Variants in HTR2C observed in about 807,000 individuals in gnomAD.
HTR2C encodes the protein 5-hydroxytryptamine receptor 2C, also known as 5-hydroxytryptamine (serotonin) receptor 2C, G protein-coupled.
HTR2C carries 5 observed loss-of-function variants against 21.0 expected under a neutral mutation model. The observed-to-expected ratio is 0.24, with a 90% confidence interval of 0.12 to 0.50. HTR2C has a LOEUF of 0.50. Ranked by LOEUF, HTR2C falls within the 20% of genes least tolerant of loss-of-function variation. The pLI is 0.98. For synonymous variants in HTR2C, 150 were observed against 145.3 expected (o/e 1.03, Z -0.23); for missense variants, 271 against 371.2 (o/e 0.73, Z 2.22).
At chrX:114,672,195 G>A (rs1931402931) in intron 2 of HTR2C, among the ~76,000 whole-genome samples, 1 of 111,747 alleles carries the variant, frequency 8.9e-6, no homozygotes, top group African/African-American at 3.2e-5. Context: ...GAAATGTGGT[G>A]TATAATCATA....
intron 5 of HTR2C, among the ~76,000 whole-genome samples, chrX:114,875,368 T>C (rs948955432): frequency 2.7e-5 from 3 of 111,802 alleles, no homozygotes; most frequent in Non-Finnish European, 5.6e-5. Flanking sequence ...TGCCTTTTAA[T>C]TTTGTTGATT....
chrX:114,723,828 G>C (rs1383536942), intron 2 of HTR2C, among the ~76,000 whole-genome samples: 1 of 103,705 alleles, frequency 9.6e-6, no homozygotes, highest in Non-Finnish European at 2.0e-5. Context: ...GAGCGGTTTT[G>C]AGTGAGATTC....
chrX:114,899,690 GGTTGA>G (rs1569503176), intron 5 of HTR2C, among the ~76,000 whole-genome samples: 1 of 110,967 alleles, frequency 9.0e-6, no homozygotes, highest in East Asian at 2.9e-4. Context: ...GTTCTCCATC[GGTTGA>G]GTTGTTTCCC....
At chrX:114,660,503 A>G (rs1223766993) in intron 2 of HTR2C, among the ~76,000 whole-genome samples, 1 of 112,086 alleles carries the variant, frequency 8.9e-6, no homozygotes, top group African/African-American at 3.2e-5. Flanking sequence ...ATTTGCATCC[A>G]TAGAAAATTT....
At chrX:114,823,973 C>G (rs1454035016) in intron 4 of HTR2C, among the ~76,000 whole-genome samples, 1 of 111,563 alleles carries the variant, frequency 9.0e-6, no homozygotes, top group Non-Finnish European at 1.9e-5. Flanking sequence ...GAAAAGCAGC[C>G]TAGAATTTCA....
chrX:114,656,988 CAG>C (rs1225960914), intron 2 of HTR2C, among the ~76,000 whole-genome samples: 1 of 110,767 alleles, frequency 9.0e-6, no homozygotes, highest in Non-Finnish European at 1.9e-5. Context: ...TATTATATAA[CAG>C]AGTAATAAAT....
At chrX:114,691,322 A>G (rs1441184686) in intron 2 of HTR2C, among the ~76,000 whole-genome samples, 2 of 111,354 alleles carry the variant, frequency 1.8e-5, no homozygotes, top group Non-Finnish European at 3.8e-5. Flanking sequence ...TAAGTGTTAG[A>G]GGTTACAGAA....
intron 2 of HTR2C, among the ~76,000 whole-genome samples, chrX:114,634,557 C>T (rs2147820045): frequency 9.0e-6 from 1 of 111,179 alleles, no homozygotes; most frequent in East Asian, 2.9e-4. Flanking sequence ...CACCTGTAAT[C>T]CCAGCACTTC....
At chrX:114,609,032 A>G (rs1928602986) in intron 1 of HTR2C, among the ~76,000 whole-genome samples, 1 of 112,072 alleles carries the variant, frequency 8.9e-6, no homozygotes, top group Admixed American at 9.5e-5. Context: ...GAGGATTTTT[A>G]TGAAATAAAA....
chrX:114,590,848 T>C (rs1042998371), intron 1 of HTR2C, among the ~76,000 whole-genome samples: 2 of 112,106 alleles, frequency 1.8e-5, no homozygotes, highest in East Asian at 5.6e-4. Flanking sequence ...ATTGACCACA[T>C]GCATGGCTAT....
chrX:114,606,341 C>T (rs1335576390), intron 1 of HTR2C, among the ~76,000 whole-genome samples: 1 of 111,392 alleles, frequency 9.0e-6, no homozygotes, highest in African/African-American at 3.3e-5. Context: ...CCCAGAAAAG[C>T]GGGACTTGCC....
At chrX:114,638,820 C>A (rs1227304208) in intron 2 of HTR2C, among the ~76,000 whole-genome samples, 1 of 106,103 alleles carries the variant, frequency 9.4e-6, no homozygotes, top group African/African-American at 3.4e-5. Context: ...ATGATGATTT[C>A]CAATTTCATC....
chrX:114,812,417 G>A (rs1252928068), intron 4 of HTR2C, among the ~76,000 whole-genome samples: 1 of 109,903 alleles, frequency 9.1e-6, no homozygotes, highest in Non-Finnish European at 1.9e-5. Flanking sequence ...GAGCAAGAAT[G>A]TTTAAGCAGA....
At chrX:114,639,839 C>G (rs1406863954) in intron 2 of HTR2C, among the ~76,000 whole-genome samples, 5 of 111,032 alleles carry the variant, frequency 4.5e-5, no homozygotes, top group Non-Finnish European at 7.5e-5. Flanking sequence ...GTAATGCTGC[C>G]TGGAAAATTT....
At chrX:114,869,904 C>T (rs1556475841) in intron 5 of HTR2C, among the ~76,000 whole-genome samples, 1 of 111,570 alleles carries the variant, frequency 9.0e-6, no homozygotes, top group African/African-American at 3.3e-5. Flanking sequence ...GCTATTTCAA[C>T]ATCAATTCAA....
chrX:114,897,650 C>T (rs1427758371), intron 5 of HTR2C, among the ~76,000 whole-genome samples: 3 of 111,961 alleles, frequency 2.7e-5, no homozygotes, highest in African/African-American at 9.7e-5. Flanking sequence ...AGTGAGAAGA[C>T]AAGGTATTTG....
At chrX:114,644,921 A>C (rs1556407245) in intron 2 of HTR2C, among the ~76,000 whole-genome samples, 2 of 110,934 alleles carry the variant, frequency 1.8e-5, no homozygotes, top group Non-Finnish European at 3.8e-5. Context: ...CAATGAAAAG[A>C]TGAGTCAACA....
intron 4 of HTR2C, among the ~76,000 whole-genome samples, chrX:114,825,281 C>T (rs2070668761): frequency 9.0e-6 from 1 of 111,584 alleles, no homozygotes; most frequent in African/African-American, 3.3e-5. Context: ...TTGAGTACTA[C>T]TTTAGCACCA....
chrX:114,779,709 G>C (rs1265932834), intron 4 of HTR2C, among the ~76,000 whole-genome samples: 1 of 111,793 alleles, frequency 8.9e-6, no homozygotes, highest in African/African-American at 3.2e-5. Flanking sequence ...GCCTATACTT[G>C]GATTACAACA....
Sources: gnomAD v4.1 joint callset for allele counts (sites outside exome capture counted in the v4.1 genomes callset) on GRCh38, gnomAD v4.1.1 for gene constraint, MANE v1.5 for transcripts, NCBI Gene and HGNC (gene_info 2026-07-23, HGNC 2026-07-21) for gene names.